Variants in SEZ6L observed in about 807,000 individuals in gnomAD.
SEZ6L encodes seizure related 6 homolog like, also known as seizure 6-like protein.
In SEZ6L, 37 loss-of-function variants were observed where a neutral mutation model predicts 106.2. The ratio of observed to expected loss-of-function variants is 0.35; its 90% CI spans 0.27 to 0.46. The LOEUF (loss-of-function observed/expected upper bound fraction) is 0.46. Among genes scored for constraint, SEZ6L ranks in the 20% least tolerant of loss-of-function variants. The probability of loss-of-function intolerance (pLI) is 1.00; values close to 1 mark genes in which losing one functional copy is unlikely to be tolerated. For missense variants in SEZ6L, 1,172 were observed against 1,332.8 expected (o/e 0.88, Z 1.88); for synonymous variants, 541 against 570.4 (o/e 0.95, Z 0.73).
chr22:26,344,098 G>C, intron 10 of SEZ6L, among the ~76,000 whole-genome samples: 1 of 152,170 alleles, frequency 6.6e-6, no homozygotes, highest in South Asian at 2.1e-4. Context: ...GGTTCCTGTG[G>C]TCACTAGGGA....
chr22:26,334,490 C>T (rs868648135), intron 9 of SEZ6L, among the ~76,000 whole-genome samples: 4 of 152,270 alleles, frequency 2.6e-5, no homozygotes, highest in Non-Finnish European at 4.4e-5. Flanking sequence ...ATAATAACTC[C>T]GCTGCACAAA....
At chr22:26,238,905 GCAGAAAGTC>G (rs1170752866) in intron 1 of SEZ6L, among the ~76,000 whole-genome samples, 1 of 152,176 alleles carries the variant, frequency 6.6e-6, no homozygotes, top group Non-Finnish European at 1.5e-5. Flanking sequence ...GGTTGAAGCT[GCAGAAAGTC>G]CAGTGTGACT....
rs73417507 is a variant in SEZ6L at position 26,187,344 on chromosome 22, C to T, written c.94+17581C>T. On this transcript the variant is annotated intron_variant, in intron 1 of 16. Transcript: ENST00000248933. ...AACCACCCCCATGATCTAATCACCT[C>T]CCACGAGATCCCTCTCCCAACACGT... Among the ~76,000 whole-genome samples, 996 of 152,330 alleles carry T rather than the reference C, an allele frequency of 6.5e-3. 16 individuals carry two copies. Among genetic ancestry groups the T allele is most frequent in the African/African-American group, 0.023 (948 of 41,574 alleles).
intron 9 of SEZ6L, among the ~76,000 whole-genome samples, chr22:26,322,967 T>C (rs190759138): frequency 6.6e-6 from 1 of 152,176 alleles, no homozygotes; most frequent in African/African-American, 2.4e-5. Flanking sequence ...TCAAAATAAA[T>C]TACGGAAAGG....
At chr22:26,253,122 C>T (rs1281656778) in intron 1 of SEZ6L, among the ~76,000 whole-genome samples, 1 of 152,190 alleles carries the variant, frequency 6.6e-6, no homozygotes, top group Non-Finnish European at 1.5e-5. Context: ...TATTCTCCTC[C>T]ATTTTATAAA....
chr22:26,313,831 C>T lies in SEZ6L; in HGVS notation c.1944C>T (p.Tyr648=), dbSNP rs145294635. 407 of 1,613,124 alleles carry T rather than the reference C, an allele frequency of 2.5e-4. 3 individuals carry two copies. The African/African-American group carries it at 3.1e-3, about 12-fold the overall frequency. Residue 648 remains tyrosine, a synonymous_variant, in exon 9 of 17, where the codon TAC becomes TAT. Coordinates refer to ENST00000248933, the MANE Select transcript of SEZ6L (RefSeq NM_021115.5). The stretch of plus-strand genomic sequence containing the variant: ...TGTCCCCAAACTGGCCCGAGCCCTA[C>T]GTGGAAGGTGAAGATTGTATCTGGA... ...VVLSPNWPEP[Y]VEGEDCIWKI... is the part of the protein sequence containing the mutation.
In SEZ6L at chr22:26,381,685, G is replaced by C. The variant is rs1297978968; in HGVS notation, c.*1390G>C. ...TGAAACCGGTGAGTGTGTAACTCTT[G>C]GGAAGATTCTTTTCTAAATACAGGT... On this transcript the variant is annotated 3_prime_UTR_variant, in exon 17 of 17. Transcript: ENST00000248933. 6.0e-6 allele frequency: 1 copy of C among 166,074 alleles called. No homozygotes were observed. 10.3% of individuals were successfully genotyped at this position (166,074 alleles called of 1,614,324 possible).
chr22:26,376,880 C>T (rs984028576), intron 15 of SEZ6L, among the ~76,000 whole-genome samples: 3 of 152,180 alleles, frequency 2.0e-5, no homozygotes, highest in African/African-American at 7.2e-5. Flanking sequence ...CCACAGTCTA[C>T]TGGGGGCAGG....
In SEZ6L at chr22:26,329,475, A is replaced by G. The variant is rs201126394; in HGVS notation, c.2016-10961A>G. Among the ~76,000 whole-genome samples, 8 of 152,320 alleles carry G rather than the reference A, an allele frequency of 5.3e-5. No individual in the cohort carries two copies. In the East Asian group the frequency reaches 1.5e-3, roughly 29 times the overall value. On this transcript the variant is annotated intron_variant, in intron 9 of 16. Transcript: ENST00000248933. The stretch of plus-strand genomic sequence containing the variant: ...AGAGTGAAACACCATCTTTAAAAAA[A>G]AAGAAAAAGAAAACTCATCATTTTT...
intron 12 of SEZ6L, chr22:26,351,574 T>G: frequency 4.7e-6 from 1 of 215,034 alleles, no homozygotes. Context: ...TTAGATGGAA[T>G]TCCACTATGT....
chr22:26,292,400 T>C lies in SEZ6L; in HGVS notation c.95-6T>C. On this transcript the variant is annotated splice_region_variant and splice_polypyrimidine_tract_variant and intron_variant, in intron 1 of 16. Transcript: ENST00000248933. ...AACTAACTGGTGTCTTTTCTCCTCTTCCAAGATGCTCTTCCCGAGGGAGAT... is the reference window on the plus strand; with the variant it reads ...AACTAACTGGTGTCTTTTCTCCTCTCCCAAGATGCTCTTCCCGAGGGAGAT... The C allele has an allele frequency of 6.2e-7, 1 of 1,606,744 alleles. No individual in the cohort carries two copies. The highest frequency in any genetic ancestry group is 8.5e-7 in the Non-Finnish European group (1 of 1,175,698).
Position 26,179,440 on chromosome 22 carries a change from G to A in SEZ6L, c.94+9677G>A, listed in dbSNP as rs140211024. On this transcript the variant is annotated intron_variant, in intron 1 of 16. Transcript: ENST00000248933. ...CACCTTACCCCTTTCACCATGAGAG[G>A]TAGAAATGTTGAAACAAGAAGCTGT... 4.6e-5 allele frequency among the ~76,000 whole-genome samples: 7 copies of A among 152,290 alleles called. No homozygotes were observed. The East Asian group carries it at 1.4e-3, about 29-fold the overall frequency.
chr22:26,372,374 C>T (rs2084066307), intron 13 of SEZ6L, among the ~76,000 whole-genome samples: 1 of 152,218 alleles, frequency 6.6e-6, no homozygotes, highest in Non-Finnish European at 1.5e-5. Context: ...CACGGTGCAA[C>T]TCACATCTTG....
At position 26,348,716 on chromosome 22, in the gene SEZ6L, G is replaced by C. The variant is rs575540111; in HGVS notation, c.2407+803G>C. Reference sequence around the variant, plus strand: ...AAAGAAAGAAAGAAGGCAAGGGAGGGAAGGGAGGGAAGGGAGGGAAGGGAA... The same window carrying C: ...AAAGAAAGAAAGAAGGCAAGGGAGGCAAGGGAGGGAAGGGAGGGAAGGGAA... On this transcript the variant is annotated intron_variant, in intron 11 of 16. Transcript: ENST00000248933. Among the ~76,000 whole-genome samples the C allele has an allele frequency of 1.1e-3, 67 of 63,272 alleles. 1 individual carries two copies. The highest frequency in any genetic ancestry group is 1.4e-3 in the Non-Finnish European group (44 of 32,228). The allele number at this position is 63,272 out of a possible 152,430, so 41.5% of individuals were successfully genotyped here.
intron 13 of SEZ6L, among the ~76,000 whole-genome samples, chr22:26,368,295 T>C (rs1211786167): frequency 6.6e-6 from 1 of 152,112 alleles, no homozygotes; most frequent in Non-Finnish European, 1.5e-5. Context: ...GCAAACCCTG[T>C]CTAAGAATGT....
chr22:26,314,622 A>G (rs1044282169), intron 9 of SEZ6L, among the ~76,000 whole-genome samples: 1 of 152,206 alleles, frequency 6.6e-6, no homozygotes, highest in Non-Finnish European at 1.5e-5. Context: ...TAATGAACGG[A>G]CTTACTTAGC....
At chr22:26,203,608 G>A (rs1392178385) in intron 1 of SEZ6L, among the ~76,000 whole-genome samples, 1 of 152,150 alleles carries the variant, frequency 6.6e-6, no homozygotes, top group African/African-American at 2.4e-5. Context: ...CACTTACTAA[G>A]CACATGCTGT....
At chr22:26,354,924 C>G (rs531405193) in intron 12 of SEZ6L, among the ~76,000 whole-genome samples, 4 of 152,198 alleles carry the variant, frequency 2.6e-5, no homozygotes, top group Non-Finnish European at 5.9e-5. Flanking sequence ...GAAGAAGAGC[C>G]CTGCGTGTGG....
In SEZ6L at chr22:26,299,019, G is replaced by A. The variant is rs768815092; in HGVS notation, c.1198G>A (p.Asp400Asn). The A allele has an allele frequency of 6.3e-7, 1 of 1,595,118 alleles. No homozygotes were observed. Among genetic ancestry groups the A allele is most frequent in the South Asian group, 1.1e-5 (1 of 88,122 alleles). ...MLSCNFPRRP[D>N]SGDVTVMDLH... ...GAGCTGCAACTTTCCCCGCCGGCCT[G>A]ACTCTGGGGATGTCACGGTGATGGA... The change falls in exon 5 of 17, where the codon GAC (aspartate) becomes AAC (asparagine). Residue 400 changes from aspartate to asparagine, a missense_variant. Physicochemically the swap from Asp to Asn is conservative, Grantham distance 23 (BLOSUM62 1). Coordinates refer to ENST00000248933, the MANE Select transcript of SEZ6L (RefSeq NM_021115.5).
Sources: gnomAD v4.1 joint callset for allele counts (sites outside exome capture counted in the v4.1 genomes callset) on GRCh38, gnomAD v4.1.1 for gene constraint, MANE v1.5 for transcripts, NCBI Gene and HGNC (gene_info 2026-07-23, HGNC 2026-07-21) for gene names.